Variants in CCKBR observed in about 807,000 individuals in gnomAD.
CCKBR encodes gastrin/cholecystokinin type B receptor.
CCKBR carries 33 observed loss-of-function variants against 34.6 expected under a neutral mutation model. The observed-to-expected ratio is 0.95, with a 90% CI of 0.72 to 1.27. The LOEUF is 1.27. CCKBR is among the 50% of genes most tolerant of loss of function. The pLI, the probability that CCKBR is intolerant of heterozygous loss-of-function variation, is 0.00. For missense variants in CCKBR, 652 were observed against 617.4 expected (o/e 1.06, Z -0.59); for synonymous variants, 269 against 267.5 (o/e 1.01, Z -0.06).
chr11:6,270,867 C>T (rs971962942), intron 4 of CCKBR, 64 bp downstream of exon 4: 4 of 1,612,358 alleles, frequency 2.5e-6, no homozygotes, highest in Non-Finnish European at 3.4e-6. Flanking sequence ...ACGGGGCCTG[C>T]TGGAGTGGGT....
intron 1 of CCKBR, among the ~76,000 whole-genome samples, chr11:6,269,281 C>T (rs559063145): frequency 1.1e-3 from 163 of 151,390 alleles, no homozygotes; most frequent in African/African-American, 3.6e-3. Context: ...TAAGAAAGGA[C>T]CTTTGAATTT....
chr11:6,264,031 A>G (rs1457392981), intron 1 of CCKBR, among the ~76,000 whole-genome samples: 1 of 152,268 alleles, frequency 6.6e-6, no homozygotes, highest in Non-Finnish European at 1.5e-5. Context: ...ATCTAAACTT[A>G]AATGTAAGCC....
At chr11:6,260,666 C>A (rs1181145394) in intron 1 of CCKBR, among the ~76,000 whole-genome samples, 1 of 152,238 alleles carries the variant, frequency 6.6e-6, no homozygotes, top group East Asian at 1.9e-4. Flanking sequence ...CCATTTCACT[C>A]CTTCTCAAAC....
Position 6,260,086 on chromosome 11 carries a change from G to A in CCKBR, c.151+7G>A, listed in dbSNP as rs752511879. On this transcript the variant is annotated splice_region_variant and intron_variant, in intron 1 of 4. Transcript: ENST00000334619. ...CGCGGAGCCGGGACACGAGGTGGGT[G>A]CCTCCCTCAGCCCCCCCCACAAGCT... 14 of 1,585,540 alleles carry A rather than the reference G, an allele frequency of 8.8e-6. No individual in the cohort carries two copies. The highest frequency in any genetic ancestry group is 1.7e-4 in the Middle Eastern group (1 of 6,004).
rs1042048 is a variant in CCKBR at position 6,271,980 on chromosome 11, A to C, written c.*437A>C. 6.1e-6 allele frequency: 1 copy of C among 164,972 alleles called. No individual in the cohort carries two copies. Among genetic ancestry groups the C allele is most frequent in the East Asian group, 1.8e-4 (1 of 5,626 alleles). 10.2% of individuals were successfully genotyped at this position (164,972 alleles called of 1,614,324 possible). On this transcript the variant is annotated 3_prime_UTR_variant, in exon 5 of 5. Transcript: ENST00000334619. ...CTTCCCAATCAGCACTGAAAATACC[A>C]TCAGGCCTAATCTCATACCTCTGAC...
chr11:6,270,811 TG>T lies in CCKBR; in HGVS notation c.811+10del, dbSNP rs752624788. The T allele has an allele frequency of 1.1e-5, 17 of 1,613,936 alleles. No homozygotes were observed. The highest frequency in any genetic ancestry group is 3.3e-4 in the Middle Eastern group (2 of 6,084). ...ACCAAGGCGGGCTGCCAGGTGGGGC[TG>T]GACCACGTGAGCAAAATCTGGGCGA... is the stretch of plus-strand genomic sequence containing the variant. On this transcript the variant is annotated intron_variant, in intron 4 of 4. Transcript: ENST00000334619.
Position 6,270,201 on chromosome 11 carries a change from C to T in CCKBR, c.517C>T (p.Arg173Cys). Residue 173 changes from arginine (R) to cysteine (C), a missense_variant, in exon 3 of 5, where the codon CGC (arginine) becomes TGC (cysteine). Arg to Cys is a radical substitution (Grantham distance 180, BLOSUM62 -3). Coordinates refer to ENST00000334619, the MANE Select transcript of CCKBR (RefSeq NM_176875.4). Reference sequence around the variant, plus strand: ...GTGGCAGACGCGCTCCCACGCGGCTCGCGTGATTGTAGCCACGTGGCTGCT... The same window carrying T: ...GTGGCAGACGCGCTCCCACGCGGCTTGCGTGATTGTAGCCACGTGGCTGCT... ...RVWQTRSHAARVIVATWLLSG... is the reference protein window; with the variant it reads ...RVWQTRSHAACVIVATWLLSG... The T allele has an allele frequency of 6.2e-7, 1 of 1,613,534 alleles. No homozygotes were observed. The highest frequency in any genetic ancestry group is 8.5e-7 in the Non-Finnish European group (1 of 1,180,014).
chr11:6,261,737 C>T (rs1848136766), intron 1 of CCKBR, among the ~76,000 whole-genome samples: 2 of 151,994 alleles, frequency 1.3e-5, no homozygotes, highest in South Asian at 4.1e-4. Flanking sequence ...TGGACTTTCT[C>T]CCGAGGGCAA....
intron 3 of CCKBR, 67 bp downstream of exon 3, chr11:6,270,404 C>A: frequency 6.5e-7 from 1 of 1,536,366 alleles, no homozygotes; most frequent in South Asian, 1.2e-5. Flanking sequence ...ACGACCATTG[C>A]CCAGAATCTT....
chr11:6,271,836 C>CT lies in CCKBR; in HGVS notation c.*294dup. 2.6e-6 allele frequency: 1 copy of CT among 384,352 alleles called. No homozygotes were observed. Among genetic ancestry groups the CT allele is most frequent in the Non-Finnish European group, 4.7e-6 (1 of 214,036 alleles). 23.8% of individuals were successfully genotyped at this position (384,352 alleles called of 1,614,324 possible). A position where few individuals can be genotyped will look rare whatever the true frequency, so the allele number is the denominator to read the frequency against. ...GAACTATTTCTACACAGTGGGAACT[C>CT]TGACAAGGGCTGACCTGCCTCTCAC... On this transcript the variant is annotated 3_prime_UTR_variant, in exon 5 of 5. Transcript: ENST00000334619.
At position 6,270,202 on chromosome 11, in the gene CCKBR, G is replaced by A. The variant is rs773790618; in HGVS notation, c.518G>A (p.Arg173His). ...RVWQTRSHAA[R>H]VIVATWLLSG... ...TGGCAGACGCGCTCCCACGCGGCTC[G>A]CGTGATTGTAGCCACGTGGCTGCTG... The change falls in exon 3 of 5, where the codon CGC becomes CAC. Residue 173 changes from arginine to histidine, a missense_variant. By Grantham distance (29) the Arg-to-His change is conservative (BLOSUM62 0). Transcript: ENST00000334619. 1.9e-6 allele frequency: 3 copies of A among 1,613,436 alleles called. No individual in the cohort carries two copies. Among genetic ancestry groups the A allele is most frequent in the East Asian group, 4.5e-5 (2 of 44,882 alleles).
At chr11:6,262,722 G>GAGAGAGAAAGAA (rs377114173) in intron 1 of CCKBR, among the ~76,000 whole-genome samples, 4 of 119,264 alleles carry the variant, frequency 3.4e-5, no homozygotes, top group Non-Finnish European at 3.7e-5. Flanking sequence ...GAGAGAGAGA[G>GAGAGAGAAAGAA]AGAAAGAAAA....
chr11:6,271,783 C>A lies in CCKBR; in HGVS notation c.*240C>A, dbSNP rs200409585. On this transcript the variant is annotated 3_prime_UTR_variant, in exon 5 of 5. Transcript: ENST00000334619. ...TGGCCCATAGAAACATGACACTGAC[C>A]TTGGAGAGACACAGCGTCCCTAGCA... The A allele has an allele frequency of 2.0e-6, 1 of 503,574 alleles. No individual in the cohort carries two copies. The highest frequency in any genetic ancestry group is 3.5e-6 in the Non-Finnish European group (1 of 286,488). The allele number at this position is 503,574 out of a possible 1,614,324, so 31.2% of individuals were successfully genotyped here. A position where few individuals can be genotyped will look rare whatever the true frequency, so the allele number is the denominator to read the frequency against.
chr11:6,270,468 C>A, intron 3 of CCKBR, 131 bp downstream of exon 3: 3 of 1,410,996 alleles, frequency 2.1e-6, no homozygotes, highest in Non-Finnish European at 2.9e-6. Context: ...ATCCACCACC[C>A]TGGAGTTCCA....
In CCKBR at chr11:6,271,039, G is replaced by C. The variant is rs781003043; in HGVS notation, c.840G>C (p.Arg280=). Residue 280 remains arginine (R), a synonymous_variant, in exon 5 of 5, where the codon CGG becomes CGC. Coordinates refer to ENST00000334619, the MANE Select transcript of CCKBR (RefSeq NM_176875.4). ...PGAVHQNGRC[R]PETGAVGEDS... is the part of the protein sequence containing the mutation. ...CTGTTCACCAGAACGGGCGTTGCCG[G>C]CCTGAGACTGGCGCGGTTGGCGAAG... 1.2e-6 allele frequency: 2 copies of C among 1,614,208 alleles called. No individual in the cohort carries two copies. The highest frequency in any genetic ancestry group is 1.7e-6 in the Non-Finnish European group (2 of 1,180,042).
At chr11:6,269,971 C>T in intron 2 of CCKBR, 51 bp downstream of exon 2, 1 of 1,608,110 alleles carries the variant, frequency 6.2e-7, no homozygotes, top group Non-Finnish European at 8.5e-7. Context: ...CCGCCTAAAG[C>T]TCTTGTGGAT....
chr11:6,270,566 A>G, intron 3 of CCKBR, 80 bp from the exon 4 acceptor site: 1 of 1,490,906 alleles, frequency 6.7e-7, no homozygotes, highest in Non-Finnish European at 9.1e-7. Context: ...ACAGCCCTAG[A>G]AACACTAGTC....
rs765074308 is a variant in CCKBR, at chr11:6,270,316, G to C, written c.632G>C (p.Ser211Thr). Residue 211 changes from serine to threonine, a missense_variant, in exon 3 of 5, where the codon AGT (serine) becomes ACT (threonine). Ser to Thr is a moderately conservative substitution (Grantham distance 58). Coordinates refer to ENST00000334619, the MANE Select transcript of CCKBR (RefSeq NM_176875.4). ...RVLQCVHRWPSARVRQTWSVL... is the reference protein window; with the variant it reads ...RVLQCVHRWPTARVRQTWSVL... The stretch of plus-strand genomic sequence containing the variant: ...CTGCAGTGCGTGCATCGCTGGCCCA[G>C]TGCGCGGGTCCGCCAGACCTGGTGA... 46 of 1,612,652 alleles carry C rather than the reference G, an allele frequency of 2.9e-5. No homozygotes were observed. The highest frequency in any genetic ancestry group is 3.8e-5 in the Non-Finnish European group (45 of 1,179,704).
chr11:6,270,528 A>G, intron 3 of CCKBR, 118 bp from the exon 4 acceptor site: 1 of 1,393,832 alleles, frequency 7.2e-7, no homozygotes, highest in Non-Finnish European at 9.8e-7. Flanking sequence ...GCACCCCCAA[A>G]TCCTACTCCT....
Sources: allele counts gnomAD v4.1 joint callset (sites outside exome capture counted in the v4.1 genomes callset), GRCh38; gene constraint gnomAD v4.1.1; transcripts MANE v1.5; gene names NCBI Gene and HGNC (gene_info 2026-07-23, HGNC 2026-07-21).